Variants in LRRC4C observed in about 807,000 individuals in gnomAD.
LRRC4C encodes the protein leucine-rich repeat-containing protein 4C.
Under a neutral mutation model 33.6 loss-of-function variants are expected in LRRC4C, and 5 were observed. That is an observed-to-expected ratio of 0.15 (90% CI 0.08 to 0.31). The LOEUF (loss-of-function observed/expected upper bound fraction) is 0.31. LRRC4C is among the 10% of genes least tolerant of loss of function. The probability of loss-of-function intolerance (pLI) is 1.00; values close to 1 mark genes in which losing one functional copy is unlikely to be tolerated. For missense variants in LRRC4C, 560 were observed against 796.7 expected, an observed-to-expected ratio of 0.70 and a Z score of 3.58; for synonymous variants, 329 against 302.0, an observed-to-expected ratio of 1.09 and a Z score of -0.93.
chr11:41,217,794 T>C (rs779298951), intron 1 of LRRC4C, among the ~76,000 whole-genome samples: 30 of 152,094 alleles, frequency 2.0e-4, no homozygotes, highest in Non-Finnish European at 4.0e-4. Context: ...TTCATTACAA[T>C]GCAATAAATT....
intron 2 of LRRC4C, among the ~76,000 whole-genome samples, chr11:40,843,447 A>G (rs12277060): frequency 0.078 from 11,890 of 152,150 alleles, 1,209 homozygotes; most frequent in African/African-American, 0.24. Flanking sequence ...CTGAGCCATC[A>G]TTATCAACAA....
At position 40,533,637 on chromosome 11, in the gene LRRC4C, G is replaced by A. The variant is rs145029200; in HGVS notation, c.-270+114505C>T. Among the ~76,000 whole-genome samples, 497 of 152,104 alleles carry A rather than the reference G, an allele frequency of 3.3e-3. 11 individuals are homozygous for A. The highest frequency in any genetic ancestry group is 5.0e-4 in the Non-Finnish European group (34 of 67,980). ...GCTGTTGCTTTTTTTCTCCACACAC[G>A]GTCATAAGGCTCACCCTCTATTTCC... On this transcript the variant is annotated intron_variant, in intron 3 of 6. Transcript: ENST00000528697.
At chr11:40,496,532 T>A (rs1049834985) in intron 3 of LRRC4C, among the ~76,000 whole-genome samples, 9 of 152,142 alleles carry the variant, frequency 5.9e-5, no homozygotes, top group African/African-American at 1.9e-4. Flanking sequence ...TTATTTTTTT[T>A]AATCAGAGAC....
chr11:41,387,525 A>G (rs570887807), intron 1 of LRRC4C, among the ~76,000 whole-genome samples: 37 of 151,902 alleles, frequency 2.4e-4, no homozygotes, highest in Admixed American at 5.3e-4. Context: ...ATGGTTATTT[A>G]TATCAAAGAT....
chr11:40,214,886 T>C lies in LRRC4C; in HGVS notation c.-96+26633A>G, dbSNP rs559707522. 2.6e-5 allele frequency among the ~76,000 whole-genome samples: 4 copies of C among 152,312 alleles called. No individual in the cohort carries two copies. The South Asian group carries it at 8.3e-4, about 32-fold the overall frequency. On this transcript the variant is annotated intron_variant, in intron 5 of 6. Coordinates refer to ENST00000528697, the MANE Select transcript of LRRC4C (RefSeq NM_001258419.2). ...TCTAGTCATTGTGTCCAAAAATGTC[T>C]GAAAAATAATTGGAGGAATCATTAA...
chr11:41,231,206 T>C (rs1947777389), intron 1 of LRRC4C, among the ~76,000 whole-genome samples: 1 of 152,078 alleles, frequency 6.6e-6, no homozygotes, highest in Admixed American at 6.6e-5. Context: ...GTCAGTGTGG[T>C]GATTCCTCAG....
At chr11:41,004,860 TA>T (rs1421409857) in intron 1 of LRRC4C, among the ~76,000 whole-genome samples, 3 of 152,200 alleles carry the variant, frequency 2.0e-5, no homozygotes, top group Non-Finnish European at 1.5e-5. Context: ...TGGCTCTTAT[TA>T]AAATCACGTG....
intron 3 of LRRC4C, among the ~76,000 whole-genome samples, chr11:40,335,328 G>T (rs1255085003): frequency 1.3e-5 from 2 of 152,030 alleles, no homozygotes; most frequent in Non-Finnish European, 2.9e-5. Flanking sequence ...TAGAATTTAG[G>T]CTTAACATTT....
At chr11:40,717,120 T>G (rs1331950778) in intron 2 of LRRC4C, among the ~76,000 whole-genome samples, 1 of 152,172 alleles carries the variant, frequency 6.6e-6, no homozygotes, top group African/African-American at 2.4e-5. Context: ...GCTTACAACC[T>G]TTATAAATTC....
At chr11:40,267,678 T>C (rs1206500542) in intron 4 of LRRC4C, among the ~76,000 whole-genome samples, 3 of 152,122 alleles carry the variant, frequency 2.0e-5, no homozygotes, top group Non-Finnish European at 2.9e-5. Context: ...TAAAGTGAGG[T>C]ACTTAATGGG....
intron 2 of LRRC4C, among the ~76,000 whole-genome samples, chr11:40,781,583 C>T (rs1329535496): frequency 1.3e-5 from 2 of 152,148 alleles, no homozygotes; most frequent in Non-Finnish European, 2.9e-5. Flanking sequence ...ATAATAGTTC[C>T]TTTACCTACA....
At chr11:40,528,606 A>G (rs966003950) in intron 3 of LRRC4C, among the ~76,000 whole-genome samples, 1 of 152,144 alleles carries the variant, frequency 6.6e-6, no homozygotes, top group Non-Finnish European at 1.5e-5. Flanking sequence ...TAGAAATAGA[A>G]CTACCATATG....
At position 40,172,505 on chromosome 11, in the gene LRRC4C, CT is replaced by C. The variant is rs960733075; in HGVS notation, c.-95-31653del. Among the ~76,000 whole-genome samples, 392 of 149,300 alleles carry C rather than the reference CT, an allele frequency of 2.6e-3. 1 individual carries two copies. Among genetic ancestry groups the C allele is most frequent in the African/African-American group, 9.0e-3 (368 of 40,756 alleles). The stretch of plus-strand genomic sequence containing the variant: ...TGGATTTATGAAATAAATCCAAATT[CT>C]TTTTTTTTTAAGATTATAATTTTTA... On this transcript the variant is annotated intron_variant, in intron 5 of 6. Transcript: ENST00000528697.
intron 3 of LRRC4C, among the ~76,000 whole-genome samples, chr11:40,551,988 A>T (rs1957143306): frequency 6.6e-6 from 1 of 152,238 alleles, no homozygotes; most frequent in Non-Finnish European, 1.5e-5. Flanking sequence ...CAATTCATTG[A>T]CATTCTTAAG....
rs1953713115 is a variant in LRRC4C, at chr11:40,483,785, ATATATATG to A, written c.-269-164072_-269-164065del. On this transcript the variant is annotated intron_variant, in intron 3 of 6. Coordinates refer to ENST00000528697, the MANE Select transcript of LRRC4C (RefSeq NM_001258419.2). ...AGGCAAGAAATGTGTATATATATGT[ATATATATG>A]TATATATATGTATATGTATGTATAT... 5.4e-5 allele frequency among the ~76,000 whole-genome samples: 8 copies of A among 149,340 alleles called. No homozygotes were observed. In the South Asian group the frequency reaches 1.7e-3, roughly 31 times the overall value.
intron 1 of LRRC4C, among the ~76,000 whole-genome samples, chr11:41,163,304 A>G (rs4756637): frequency 1 from 105,197 of 105,314 alleles, 52,540 homozygotes; most frequent in Middle Eastern, 1. Context: ...TTTTTTTTCA[A>G]ACAGGGTCTT....
At position 41,383,134 on chromosome 11, in the gene LRRC4C, G is replaced by T. The variant is rs184004374; in HGVS notation, c.-496+76297C>A. The stretch of plus-strand genomic sequence containing the variant: ...ATAAGCTGGCCGAAACTGGCTTAAG[G>T]TCTGCAATTGCTTATCAGAAAAGAA... On this transcript the variant is annotated intron_variant, in intron 1 of 6. Transcript: ENST00000528697. 2.6e-5 allele frequency among the ~76,000 whole-genome samples: 4 copies of T among 152,142 alleles called. No individual in the cohort carries two copies. In the East Asian group the frequency reaches 7.8e-4, roughly 30 times the overall value.
intron 3 of LRRC4C, among the ~76,000 whole-genome samples, chr11:40,377,878 A>G (rs561831618): frequency 1.3e-5 from 2 of 152,214 alleles, no homozygotes; most frequent in South Asian, 4.1e-4. Flanking sequence ...ATACAGTGGT[A>G]GAGGCCAGTG....
At chr11:40,227,638 C>G (rs1864905040) in intron 5 of LRRC4C, among the ~76,000 whole-genome samples, 1 of 152,080 alleles carries the variant, frequency 6.6e-6, no homozygotes, top group African/African-American at 2.4e-5. Flanking sequence ...GATGACTCCC[C>G]TGCATTCAAT....
Sources: gnomAD v4.1 joint callset for allele counts (sites outside exome capture counted in the v4.1 genomes callset) on GRCh38, gnomAD v4.1.1 for gene constraint, MANE v1.5 for transcripts, NCBI Gene and HGNC (gene_info 2026-07-23, HGNC 2026-07-21) for gene names.